Variants in STK39 observed in about 807,000 individuals in gnomAD.
STK39 encodes STE20/SPS1-related proline-alanine-rich protein kinase.
In STK39, 20 loss-of-function variants were observed where a neutral mutation model predicts 77.8. The observed-to-expected ratio is 0.26, with a 90% confidence interval of 0.18 to 0.37. The LOEUF is 0.37. Ranked by LOEUF, STK39 falls within the 10% of genes least tolerant of loss-of-function variation. The pLI, the probability that STK39 is intolerant of heterozygous loss-of-function variation, is 1.00. For missense variants in STK39, 479 were observed against 656.5 expected, an observed-to-expected ratio of 0.73 and a Z score of 2.95; for synonymous variants, 246 against 234.1, an observed-to-expected ratio of 1.05 and a Z score of -0.47.
rs186361422 is a variant in STK39, at chr2:168,007,552, G to C, written c.1498+5082C>G. Among the ~76,000 whole-genome samples, 10 of 152,272 alleles carry C rather than the reference G, an allele frequency of 6.6e-5. 1 individual carries two copies. The highest frequency in any genetic ancestry group is 2.2e-4 in the African/African-American group (9 of 41,546). Reference sequence around the variant, plus strand: ...AAACATACAGGCTATTGAATGGGGAGAGATTAGGTAGAATAACAAAATAAG... The same window carrying C: ...AAACATACAGGCTATTGAATGGGGACAGATTAGGTAGAATAACAAAATAAG... On this transcript the variant is annotated intron_variant, in intron 16 of 17. Coordinates refer to ENST00000355999, the MANE Select transcript of STK39 (RefSeq NM_013233.3).
chr2:168,186,723 G>A (rs185219952), intron 1 of STK39, among the ~76,000 whole-genome samples: 2 of 152,192 alleles, frequency 1.3e-5, no homozygotes, highest in Non-Finnish European at 1.5e-5. Context: ...TAAATGTTAG[G>A]CTCTCTCTCT....
chr2:168,075,978 C>T (rs1686067847), intron 10 of STK39, among the ~76,000 whole-genome samples: 1 of 152,114 alleles, frequency 6.6e-6, no homozygotes, highest in Non-Finnish European at 1.5e-5. Flanking sequence ...GGCAAGCTTT[C>T]CCAAATGTCT....
intron 14 of STK39, among the ~76,000 whole-genome samples, chr2:168,062,686 T>C (rs1262661619): frequency 6.6e-6 from 1 of 152,206 alleles, no homozygotes; most frequent in Non-Finnish European, 1.5e-5. Flanking sequence ...CTAACCTTGC[T>C]GATGAACCCG....
chr2:168,179,898 G>A (rs1559135341), intron 2 of STK39, among the ~76,000 whole-genome samples: 1 of 152,216 alleles, frequency 6.6e-6, no homozygotes, highest in East Asian at 1.9e-4. Context: ...GGGCAACTGA[G>A]GGCTTGGTAG....
At chr2:168,170,129 A>G (rs1487925542) in intron 2 of STK39, among the ~76,000 whole-genome samples, 3 of 152,212 alleles carry the variant, frequency 2.0e-5, no homozygotes, top group Admixed American at 2.0e-4. Context: ...CACATAGAAG[A>G]AAGTTAAAAA....
intron 10 of STK39, among the ~76,000 whole-genome samples, chr2:168,109,741 C>G (rs550290630): frequency 2.6e-5 from 4 of 152,286 alleles, no homozygotes; most frequent in African/African-American, 9.6e-5. Context: ...TACCAGGCCT[C>G]TTAATTTTTG....
intron 10 of STK39, among the ~76,000 whole-genome samples, chr2:168,102,655 T>C (rs1362182095): frequency 6.6e-6 from 1 of 151,968 alleles, no homozygotes; most frequent in Non-Finnish European, 1.5e-5. Flanking sequence ...CTCAGCCAGG[T>C]GCGGTGGCTC....
intron 5 of STK39, among the ~76,000 whole-genome samples, chr2:168,153,634 T>C (rs1247616061): frequency 1.0e-5 from 1 of 98,318 alleles, no homozygotes; most frequent in South Asian, 3.8e-4. Context: ...ATACAAAATA[T>C]GGGGTGGGGG....
At chr2:168,235,806 A>G (rs1261164834) in intron 1 of STK39, among the ~76,000 whole-genome samples, 2 of 152,132 alleles carry the variant, frequency 1.3e-5, no homozygotes, top group Non-Finnish European at 2.9e-5. Flanking sequence ...ATGACTGCAT[A>G]GTATTCCATG....
chr2:168,185,131 T>C (rs574018227), intron 1 of STK39, among the ~76,000 whole-genome samples: 1 of 152,350 alleles, frequency 6.6e-6, no homozygotes, highest in South Asian at 2.1e-4. Flanking sequence ...GAACAATATA[T>C]GATACTGACA....
intron 1 of STK39, among the ~76,000 whole-genome samples, chr2:168,226,837 A>G (rs1690320273): frequency 6.6e-6 from 1 of 152,236 alleles, no homozygotes; most frequent in Admixed American, 6.5e-5. Context: ...GGCCCTGGCC[A>G]TCTGAAATTC....
rs760197968 is a variant in STK39 at position 168,065,389 on chromosome 2, G to A, written c.1243-8C>T. 32 of 1,613,864 alleles carry A rather than the reference G, an allele frequency of 2.0e-5. No individual in the cohort carries two copies. Among genetic ancestry groups the A allele is most frequent in the Admixed American group, 6.7e-5 (4 of 59,996 alleles). On this transcript the variant is annotated splice_polypyrimidine_tract_variant and splice_region_variant and intron_variant, in intron 12 of 17. Transcript: ENST00000355999. ...GCTGGCACTCACTGCAATCTGTTAC[G>A]AGAGCCACCGTTACAGCATTCAAGA...
At chr2:168,178,817 G>T (rs1161570584) in intron 2 of STK39, among the ~76,000 whole-genome samples, 1 of 152,166 alleles carries the variant, frequency 6.6e-6, no homozygotes, top group Non-Finnish European at 1.5e-5. Context: ...GTGACCTACA[G>T]GAAACTCAAC....
intron 13 of STK39, among the ~76,000 whole-genome samples, chr2:168,065,079 T>C (rs994368946): frequency 1.9e-4 from 29 of 152,318 alleles, no homozygotes; most frequent in African/African-American, 5.8e-4. Context: ...CCTTTTCTTC[T>C]TTTCCACAGT....
intron 16 of STK39, among the ~76,000 whole-genome samples, chr2:168,012,352 T>C (rs1380334734): frequency 6.6e-6 from 1 of 152,120 alleles, no homozygotes; most frequent in Non-Finnish European, 1.5e-5. Context: ...TTTGTATTTT[T>C]AGTAGAGGCA....
chr2:168,083,108 T>C (rs1686279676), intron 10 of STK39, among the ~76,000 whole-genome samples: 1 of 152,228 alleles, frequency 6.6e-6, no homozygotes, highest in Non-Finnish European at 1.5e-5. Context: ...ATATATTTTC[T>C]ACCACATCTC....
chr2:168,080,861 A>G (rs1180004648), intron 10 of STK39, among the ~76,000 whole-genome samples: 1 of 152,190 alleles, frequency 6.6e-6, no homozygotes, highest in East Asian at 1.9e-4. Context: ...GAGCCAAGGT[A>G]CACCTCGGGC....
intron 1 of STK39, among the ~76,000 whole-genome samples, chr2:168,204,094 C>G (rs532765529): frequency 3.4e-4 from 52 of 152,294 alleles, no homozygotes; most frequent in African/African-American, 1.2e-3. Context: ...GTGAAAGGCA[C>G]CAGGTGCTAG....
chr2:168,130,301 A>G (rs971456005), intron 8 of STK39, among the ~76,000 whole-genome samples: 7 of 152,202 alleles, frequency 4.6e-5, no homozygotes, highest in Non-Finnish European at 7.3e-5. Flanking sequence ...ATAAAATGCA[A>G]ATTCATTTAG....
Sources: gnomAD v4.1 joint callset for allele counts (sites outside exome capture counted in the v4.1 genomes callset) on GRCh38, gnomAD v4.1.1 for gene constraint, MANE v1.5 for transcripts, NCBI Gene and HGNC (gene_info 2026-07-23, HGNC 2026-07-21) for gene names.